Variants in AHI1 observed in about 807,000 individuals in gnomAD.
AHI1 encodes the protein Abelson helper integration site 1.
A neutral mutation model predicts 149.3 loss-of-function variants in AHI1; 123 were observed. The observed-to-expected ratio is 0.82, with a 90% confidence interval of 0.71 to 0.96. The LOEUF (loss-of-function observed/expected upper bound fraction) is 0.96. Ranked by LOEUF, AHI1 falls within the 40% of genes least tolerant of loss-of-function variation. The probability of loss-of-function intolerance (pLI) is 0.00; values close to 1 mark genes in which losing one functional copy is unlikely to be tolerated. For missense variants in AHI1, 1,439 were observed against 1,422.7 expected, an observed-to-expected ratio of 1.01 and a Z score of -0.18; for synonymous variants, 475 against 459.8, an observed-to-expected ratio of 1.03 and a Z score of -0.42.
chr6:135,350,588 T>A (rs573810999), intron 24 of AHI1, among the ~76,000 whole-genome samples: 6 of 152,152 alleles, frequency 3.9e-5, no homozygotes, highest in African/African-American at 1.4e-4. Context: ...AAATAAAAAA[T>A]TCCAAATTGG....
intron 22 of AHI1, among the ~76,000 whole-genome samples, chr6:135,398,060 T>TTTG (rs200136759): frequency 4.3e-4 from 6 of 14,022 alleles, no homozygotes; most frequent in African/African-American, 5.0e-4. Context: ...CCCAGGATGT[T>TTTG]TTTTTTTTTT....
chr6:135,457,641 G>A lies in AHI1; in HGVS notation c.1004C>T (p.Pro335Leu). 6.2e-7 allele frequency: 1 copy of A among 1,613,822 alleles called. No individual in the cohort carries two copies. The highest frequency in any genetic ancestry group is 1.3e-5 in the African/African-American group (1 of 74,978). Reference protein sequence around the residue: ...EITSRDSPVYPKCLLDDDLVL... With the variant: ...EITSRDSPVYLKCLLDDDLVL... Reference sequence around the variant, plus strand: ...AAGGTCATCATCAAGCAAACATTTGGGATAAACCGGGCTATCTCGGCTTGT... The same window carrying A: ...AAGGTCATCATCAAGCAAACATTTGAGATAAACCGGGCTATCTCGGCTTGT... The change falls in exon 9 of 29, where the codon CCC becomes CTC. Residue 335 changes from proline (P) to leucine (L), a missense_variant. Pro to Leu is a moderately conservative substitution (Grantham distance 98, BLOSUM62 -3). Transcript: ENST00000265602.
intron 24 of AHI1, among the ~76,000 whole-genome samples, chr6:135,351,458 C>T (rs1792100941): frequency 1.3e-5 from 2 of 152,124 alleles, no homozygotes; most frequent in African/African-American, 2.4e-5. Context: ...GATGAGCAAA[C>T]TGAAGCACAG....
chr6:135,360,320 A>T (rs1793663575), intron 23 of AHI1, among the ~76,000 whole-genome samples: 1 of 152,214 alleles, frequency 6.6e-6, no homozygotes, highest in African/African-American at 2.4e-5. Context: ...TTTTAGATGG[A>T]ATTAACATTT....
chr6:135,408,004 C>T (rs1327543209), intron 21 of AHI1, among the ~76,000 whole-genome samples: 3 of 151,010 alleles, frequency 2.0e-5, no homozygotes, highest in African/African-American at 7.3e-5. Context: ...CACTGTACTC[C>T]AGCCTGGGCG....
chr6:135,357,943 ATACT>A (rs1460476695), intron 24 of AHI1, among the ~76,000 whole-genome samples, 185 bp downstream of exon 24: 4 of 152,250 alleles, frequency 2.6e-5, no homozygotes, highest in Admixed American at 6.5e-5. Context: ...ATTTGCACAA[ATACT>A]TACATTACAT....
chr6:135,382,809 G>A (rs1776953248), intron 23 of AHI1, among the ~76,000 whole-genome samples: 1 of 144,632 alleles, frequency 6.9e-6, no homozygotes, highest in Non-Finnish European at 1.5e-5. Flanking sequence ...TGTGATACAA[G>A]TGCTATTTCA....
At chr6:135,473,269 A>T (rs572546989) in intron 5 of AHI1, among the ~76,000 whole-genome samples, 1 of 152,266 alleles carries the variant, frequency 6.6e-6, no homozygotes, top group African/African-American at 2.4e-5. Context: ...ATATATTTGA[A>T]TCTATTTCTA....
intron 11 of AHI1, among the ~76,000 whole-genome samples, chr6:135,450,523 A>G (rs1353530616): frequency 6.6e-6 from 1 of 152,218 alleles, no homozygotes; most frequent in Non-Finnish European, 1.5e-5. Context: ...ACACAGGGGT[A>G]AAGAACCATT....
intron 24 of AHI1, among the ~76,000 whole-genome samples, chr6:135,355,069 T>C (rs1183285745): frequency 6.6e-6 from 1 of 152,174 alleles, no homozygotes; most frequent in African/African-American, 2.4e-5. Flanking sequence ...TTAAAAATCT[T>C]GGCAAGCTGT....
At chr6:135,483,881 T>C (rs1224417596) in intron 5 of AHI1, among the ~76,000 whole-genome samples, 1 of 152,230 alleles carries the variant, frequency 6.6e-6, no homozygotes, top group South Asian at 2.1e-4. Context: ...TCCATAATTA[T>C]AACCAGGCTA....
intron 13 of AHI1, among the ~76,000 whole-genome samples, chr6:135,446,560 G>A (rs769418266): frequency 1.3e-5 from 2 of 152,160 alleles, no homozygotes; most frequent in African/African-American, 4.8e-5. Flanking sequence ...AATCAGATTC[G>A]TGCCCTTATA....
At chr6:135,308,311 C>T (rs1052403496) in intron 26 of AHI1, among the ~76,000 whole-genome samples, 8 of 152,152 alleles carry the variant, frequency 5.3e-5, no homozygotes, top group Admixed American at 5.2e-4. Flanking sequence ...TCACTGTTCA[C>T]TGCAGCCTCA....
chr6:135,469,092 A>C (rs1791280162), intron 5 of AHI1, among the ~76,000 whole-genome samples: 1 of 152,232 alleles, frequency 6.6e-6, no homozygotes, highest in Admixed American at 6.5e-5. Flanking sequence ...CCTGACGAAC[A>C]CTGATGCAAA....
intron 20 of AHI1, among the ~76,000 whole-genome samples, chr6:135,417,319 AAT>A (rs1383202151): frequency 6.6e-6 from 1 of 152,058 alleles, no homozygotes; most frequent in Non-Finnish European, 1.5e-5. Context: ...ATTTCATTTT[AAT>A]ATGAGTGAGC....
At chr6:135,348,196 T>C (rs1050301445) in intron 24 of AHI1, among the ~76,000 whole-genome samples, 2 of 152,162 alleles carry the variant, frequency 1.3e-5, no homozygotes, top group Non-Finnish European at 2.9e-5. Context: ...GGAACATTAG[T>C]AGTGGCAGAT....
chr6:135,362,854 C>G (rs1052631022), intron 23 of AHI1, among the ~76,000 whole-genome samples: 1 of 151,952 alleles, frequency 6.6e-6, no homozygotes, highest in Non-Finnish European at 1.5e-5. Flanking sequence ...TGTGCAGAAG[C>G]CTTTTAGTTT....
chr6:135,371,156 G>T lies in AHI1; in HGVS notation c.3110-12969C>A, dbSNP rs540105246. Among the ~76,000 whole-genome samples the T allele has an allele frequency of 2.6e-5, 4 of 152,272 alleles. No homozygotes were observed. The East Asian group carries it at 5.8e-4, about 22-fold the overall frequency. ...TATGAAACAAAATGATATAGTGTAA[G>T]AAAACACCTAATTTTTTCCTCTATG... On this transcript the variant is annotated intron_variant, in intron 23 of 28. Coordinates refer to ENST00000265602, the MANE Select transcript of AHI1 (RefSeq NM_001134831.2).
chr6:135,293,225 T>C (rs1782581200), intron 27 of AHI1, among the ~76,000 whole-genome samples: 1 of 151,754 alleles, frequency 6.6e-6, no homozygotes, highest in African/African-American at 2.4e-5. Context: ...AAAGGGAAAC[T>C]ACCTAATAAA....
Sources: gnomAD v4.1 joint callset for allele counts (sites outside exome capture counted in the v4.1 genomes callset) on GRCh38, gnomAD v4.1.1 for gene constraint, MANE v1.5 for transcripts, NCBI Gene and HGNC (gene_info 2026-07-23, HGNC 2026-07-21) for gene names.